Variants in CSMD2 observed in about 807,000 individuals in gnomAD.
CSMD2 encodes CUB and Sushi multiple domains 2, also known as CUB and sushi domain-containing protein 2.
Under a neutral mutation model 398.5 loss-of-function variants are expected in CSMD2, and 130 were observed. That is an observed-to-expected ratio of 0.33 (90% CI 0.28 to 0.38). CSMD2 has a LOEUF of 0.38. CSMD2 is among the 10% of genes least tolerant of loss of function. The pLI is 1.00. For missense variants in CSMD2, 3,829 were observed against 4,764.9 expected (o/e 0.80, Z 5.78); for synonymous variants, 1,828 against 1,908.5 (o/e 0.96, Z 1.10).
chr1:33,617,912 G>C (rs902712420), intron 37 of CSMD2, among the ~76,000 whole-genome samples: 9 of 152,128 alleles, frequency 5.9e-5, no homozygotes, highest in African/African-American at 2.2e-4. Context: ...AGGGGGCTTA[G>C]CTAGGGAGAC....
In CSMD2 at chr1:33,740,470, G is replaced by C. The variant is rs187674458; in HGVS notation, c.2174-1136C>G. 1.2e-3 allele frequency among the ~76,000 whole-genome samples: 183 copies of C among 152,278 alleles called. 2 individuals carry two copies. The highest frequency in any genetic ancestry group is 2.4e-3 in the Non-Finnish European group (163 of 68,022). ...CATTTGCACATTCAGAAACAGCAGT[G>C]GCCCTAGGGGCTGCTGGATCTTGCT... On this transcript the variant is annotated intron_variant, in intron 14 of 70. Transcript: ENST00000373381.
chr1:33,586,392 T>C (rs546543630), intron 46 of CSMD2, 112 bp downstream of exon 46: 2 of 667,430 alleles, frequency 3.0e-6, no homozygotes, highest in East Asian at 5.8e-5. Context: ...TGACCTTTCA[T>C]GTTATGGGGC....
At chr1:33,919,352 T>C (rs1643870437) in intron 4 of CSMD2, among the ~76,000 whole-genome samples, 1 of 152,178 alleles carries the variant, frequency 6.6e-6, no homozygotes, top group Non-Finnish European at 1.5e-5. Flanking sequence ...TGGGTATGTC[T>C]GTGGGGCCTC....
chr1:34,005,033 C>A (rs573284978), intron 3 of CSMD2, among the ~76,000 whole-genome samples: 1 of 152,212 alleles, frequency 6.6e-6, no homozygotes, highest in African/African-American at 2.4e-5. Context: ...GAATCCCCCA[C>A]CACTTTCCAT....
At chr1:33,889,199 TA>T (rs1641815512) in intron 5 of CSMD2, among the ~76,000 whole-genome samples, 1 of 152,144 alleles carries the variant, frequency 6.6e-6, no homozygotes, top group South Asian at 2.1e-4. Context: ...TAATACATGT[TA>T]AAAATATACA....
intron 1 of CSMD2, among the ~76,000 whole-genome samples, chr1:34,119,629 C>T (rs1661965508): frequency 6.6e-6 from 1 of 152,062 alleles, no homozygotes; most frequent in Admixed American, 6.5e-5. Context: ...GACATTTCCC[C>T]AAAGAAGATA....
At chr1:33,804,989 T>G in intron 10 of CSMD2, 1 of 685,888 alleles carries the variant, frequency 1.5e-6, no homozygotes. Context: ...TTAGAAACAC[T>G]GCTCTGCACA....
intron 29 of CSMD2, among the ~76,000 whole-genome samples, chr1:33,641,342 C>T (rs954477803): frequency 6.6e-6 from 1 of 152,194 alleles, no homozygotes; most frequent in Admixed American, 6.5e-5. Flanking sequence ...ATATGTCTTG[C>T]ATGTGCGTGG....
intron 65 of CSMD2, 124 bp from the exon 66 acceptor site, chr1:33,525,167 A>AG (rs1654661600): frequency 9.7e-7 from 1 of 1,028,404 alleles, no homozygotes; most frequent in African/African-American, 1.6e-5. Flanking sequence ...CTACCATGTG[A>AG]GGAAGGTGGT....
intron 1 of CSMD2, among the ~76,000 whole-genome samples, chr1:34,100,422 G>A (rs1659828638): frequency 6.6e-6 from 1 of 152,042 alleles, no homozygotes; most frequent in African/African-American, 2.4e-5. Context: ...TCATTTTTCT[G>A]CAACTTGCTT....
Position 33,559,289 on chromosome 1 carries a change from G to C in CSMD2, c.8554+11C>G. On this transcript the variant is annotated intron_variant, in intron 54 of 70. Transcript: ENST00000373381. This position sits in a 1 kb window ranked among gnomAD's most constrained non-coding sequence, Gnocchi z 4.0. Reference sequence around the variant, plus strand: ...GGTGGGGACTGGATTGGGAGAGAAAGGGTGACTCACTTCTGCAGGTGGGCA... The same window carrying C: ...GGTGGGGACTGGATTGGGAGAGAAACGGTGACTCACTTCTGCAGGTGGGCA... 1 of 1,534,218 alleles carries C rather than the reference G, an allele frequency of 6.5e-7. No homozygotes were observed. The highest frequency in any genetic ancestry group is 8.7e-7 in the Non-Finnish European group (1 of 1,146,564).
chr1:33,997,671 T>G (rs1055606818), intron 3 of CSMD2, among the ~76,000 whole-genome samples: 1 of 152,114 alleles, frequency 6.6e-6, no homozygotes, highest in Non-Finnish European at 1.5e-5. Context: ...ATTTGAGTAA[T>G]AAAAATCTTT....
Position 33,623,424 on chromosome 1 carries a change from G to A in CSMD2, c.5668C>T (p.Leu1890=). 3 of 1,614,156 alleles carry A rather than the reference G, an allele frequency of 1.9e-6. No homozygotes were observed. Among genetic ancestry groups the A allele is most frequent in the Non-Finnish European group, 2.5e-6 (3 of 1,180,022 alleles). ...TTATCTGCACCATCAAATACTTCCA[G>A]CGAGTCCCAGTTCTGCTCTGTCACA... ...SFVTEQNWDS[L]EVFDGADNTV... is the part of the protein sequence containing the mutation. Residue 1890 remains leucine (L), a synonymous_variant, in exon 36 of 71, where the codon CTG becomes TTG. Transcript: ENST00000373381.
At chr1:33,603,123 A>G (rs2131774) in intron 42 of CSMD2, among the ~76,000 whole-genome samples, 111,223 of 151,902 alleles carry the variant, frequency 0.73, 40,866 homozygotes, top group East Asian at 0.76. Context: ...TGTAAAATGG[A>G]ACTAAGAATA....
chr1:33,769,206 G>A (rs995694111), intron 13 of CSMD2, among the ~76,000 whole-genome samples: 5 of 152,310 alleles, frequency 3.3e-5, no homozygotes, highest in Admixed American at 2.6e-4. Context: ...TCTTTTGTAA[G>A]GAAGGAAGTA....
At chr1:33,610,184 G>C (rs1263199111) in intron 41 of CSMD2, among the ~76,000 whole-genome samples, 1 of 151,366 alleles carries the variant, frequency 6.6e-6, no homozygotes, top group African/African-American at 2.4e-5. Flanking sequence ...ACAGCAGCCT[G>C]AGCTAACACA....
chr1:34,062,021 G>T (rs932511668), intron 2 of CSMD2, among the ~76,000 whole-genome samples: 1 of 152,228 alleles, frequency 6.6e-6, no homozygotes, highest in Non-Finnish European at 1.5e-5. Flanking sequence ...CCCCAGATCA[G>T]GTCATCAGGA....
At chr1:33,991,482 T>C (rs751398924) in intron 3 of CSMD2, among the ~76,000 whole-genome samples, 9 of 152,042 alleles carry the variant, frequency 5.9e-5, no homozygotes, top group Non-Finnish European at 1.2e-4. Context: ...TCCATCGAAA[T>C]TGAGAAGAGA....
rs182309138 is a variant in CSMD2, at chr1:33,864,298, T to C, written c.921-17302A>G. On this transcript the variant is annotated intron_variant, in intron 5 of 70. Transcript: ENST00000373381. ...AAGGAGCAGCAGCCAAATACCTATG[T>C]TGGCTTTAAAGAGTTCTCTAGAAAG... 53 of 1,614,028 alleles carry C rather than the reference T, an allele frequency of 3.3e-5. No individual in the cohort carries two copies. The highest frequency in any genetic ancestry group is 1.3e-4 in the Admixed American group (8 of 60,030).
Sources: gnomAD v4.1 joint callset for allele counts (sites outside exome capture counted in the v4.1 genomes callset) on GRCh38, gnomAD v4.1.1 for gene constraint, Gnocchi (gnomAD v3.1) non-coding constraint, MANE v1.5 for transcripts, NCBI Gene and HGNC (gene_info 2026-07-23, HGNC 2026-07-21) for gene names.